Variants in RGPD2 observed in about 807,000 individuals in gnomAD.
RGPD2 encodes RANBP2-like and GRIP domain-containing protein 2.
In RGPD2, 2 loss-of-function variants were observed where a neutral mutation model predicts 36.0. That is an observed-to-expected ratio of 0.06 (90% confidence interval 0.02 to 0.17). The LOEUF is 0.17. RGPD2 is among the 10% of genes least tolerant of loss of function. The pLI is 1.00. For synonymous variants in RGPD2, 19 were observed against 163.8 expected, an observed-to-expected ratio of 0.12 and a Z score of 6.75; for missense variants, 40 against 464.3, an observed-to-expected ratio of 0.09 and a Z score of 8.40.
chr2:87,913,207 G>T, the RGPD2 span, among the ~76,000 whole-genome samples: 1 of 151,940 alleles, frequency 6.6e-6, no homozygotes, highest in African/African-American at 2.4e-5. Context: ...GGAATACTAT[G>T]CAGCCATAAA....
the RGPD2 span, among the ~76,000 whole-genome samples, chr2:87,971,647 G>A: frequency 6.7e-6 from 1 of 148,506 alleles, no homozygotes; most frequent in African/African-American, 2.5e-5. Context: ...GTAGTTTTAT[G>A]TTTACTTTTA....
the RGPD2 span, among the ~76,000 whole-genome samples, chr2:87,896,927 G>A: frequency 2.0e-5 from 3 of 150,004 alleles, no homozygotes; most frequent in East Asian, 3.9e-4. Flanking sequence ...AATAATAGAT[G>A]AGTCGAAAGC....
chr2:87,914,090 C>T, the RGPD2 span, among the ~76,000 whole-genome samples: 2 of 151,094 alleles, frequency 1.3e-5, no homozygotes, highest in Admixed American at 6.6e-5. Context: ...TAAGTATAGC[C>T]GAATGCCTCT....
At chr2:87,805,979 T>C in intron 7 of RGPD2, among the ~76,000 whole-genome samples, 1 of 150,136 alleles carries the variant, frequency 6.7e-6, no homozygotes, top group South Asian at 2.1e-4. Flanking sequence ...CTGGCCAACA[T>C]GGTGAAACCC....
chr2:87,980,222 G>C, the RGPD2 span, among the ~76,000 whole-genome samples: 4 of 146,888 alleles, frequency 2.7e-5, no homozygotes. Context: ...ATGGTGGCGG[G>C]CGCCTGTAAT....
intron 7 of RGPD2, among the ~76,000 whole-genome samples, chr2:87,805,693 A>G (rs879408086): frequency 6.6e-6 from 1 of 152,170 alleles, no homozygotes; most frequent in Non-Finnish European, 1.5e-5. Context: ...CCCCGTCTCT[A>G]CTAAAAATAC....
At chr2:87,882,494 C>T in the RGPD2 span, among the ~76,000 whole-genome samples, 1 of 152,218 alleles carries the variant, frequency 6.6e-6, no homozygotes, top group Non-Finnish European at 1.5e-5. Context: ...GTTTTGATTC[C>T]TATAGCTTTG....
chr2:87,769,383 G>A (rs1472827505), intron 22 of RGPD2, among the ~76,000 whole-genome samples: 3 of 152,002 alleles, frequency 2.0e-5, no homozygotes, highest in Admixed American at 2.0e-4. Flanking sequence ...GAGACAAGTA[G>A]GAAATAATCT....
At chr2:87,834,845 A>C in the RGPD2 span, among the ~76,000 whole-genome samples, 1 of 151,764 alleles carries the variant, frequency 6.6e-6, no homozygotes, top group Non-Finnish European at 1.5e-5. Flanking sequence ...ACTTATAAGA[A>C]GCAAAAGACC....
the RGPD2 span, among the ~76,000 whole-genome samples, chr2:87,890,658 C>G: frequency 6.6e-6 from 1 of 150,834 alleles, no homozygotes; most frequent in African/African-American, 2.5e-5. Flanking sequence ...GTGCTTGGTA[C>G]CAGCATGAGC....
the RGPD2 span, among the ~76,000 whole-genome samples, chr2:87,988,541 A>ATATATATATATATATATATATAT: frequency 9.6e-4 from 52 of 54,112 alleles, no homozygotes; most frequent in Middle Eastern, 0.012. Context: ...ATATATATAT[A>ATATATATATATATATATATATAT]TTTTTTTTTT....
the RGPD2 span, among the ~76,000 whole-genome samples, chr2:87,961,844 C>A: frequency 6.6e-6 from 1 of 151,236 alleles, no homozygotes; most frequent in African/African-American, 2.4e-5. Flanking sequence ...GCAGTTCAAA[C>A]CCATGTTATT....
chr2:87,876,921 G>C, the RGPD2 span, among the ~76,000 whole-genome samples: 2 of 152,102 alleles, frequency 1.3e-5, no homozygotes, highest in Non-Finnish European at 1.5e-5. Context: ...AGGTTAGTTA[G>C]CTTTTCTTGT....
the RGPD2 span, among the ~76,000 whole-genome samples, chr2:87,967,506 G>A: frequency 6.7e-6 from 1 of 149,934 alleles, no homozygotes; most frequent in African/African-American, 2.5e-5. Flanking sequence ...GATGGAAGAA[G>A]TAGTACTGAA....
chr2:87,828,280 CAT>C (rs755806564), upstream of RGPD2, among the ~76,000 whole-genome samples: 943 of 96,966 alleles, frequency 9.7e-3, 7 homozygotes, highest in Non-Finnish European at 0.014. Flanking sequence ...AAGATACACA[CAT>C]GTTACACTTT....
the RGPD2 span, among the ~76,000 whole-genome samples, chr2:87,970,350 C>T: frequency 1.3e-5 from 2 of 150,982 alleles, no homozygotes; most frequent in South Asian, 2.1e-4. Flanking sequence ...CATATAAAGA[C>T]GTTAGAGGAA....
At chr2:87,883,249 T>C in the RGPD2 span, among the ~76,000 whole-genome samples, 4 of 151,494 alleles carry the variant, frequency 2.6e-5, no homozygotes, top group Non-Finnish European at 5.9e-5. Flanking sequence ...TTGAAATAGC[T>C]TGTTACAAGT....
At chr2:87,912,852 G>C in the RGPD2 span, among the ~76,000 whole-genome samples, 3 of 128,256 alleles carry the variant, frequency 2.3e-5, no homozygotes, top group African/African-American at 6.1e-5. Flanking sequence ...TTCTAGGAGA[G>C]AGAAAATTAC....
chr2:87,825,176 T>C (rs527421179), intron 1 of RGPD2: 8 of 393,076 alleles, frequency 2.0e-5, no homozygotes, highest in African/African-American at 4.1e-5. Context: ...CTGATCATTC[T>C]ATTTCCCCCT....
Sources: gnomAD v4.1 joint callset for allele counts (sites outside exome capture counted in the v4.1 genomes callset) on GRCh38, gnomAD v4.1.1 for gene constraint, MANE v1.5 for transcripts, NCBI Gene and HGNC (gene_info 2026-07-23, HGNC 2026-07-21) for gene names.